GMDS: variants seen among roughly 807,000 people sequenced by gnomAD.
GMDS encodes the protein GDP-mannose 4,6-dehydratase, also known as GDP-mannose 4,6 dehydratase.
GMDS carries 20 observed loss-of-function variants against 49.9 expected under a neutral mutation model. The observed-to-expected ratio is 0.40, with a 90% CI of 0.28 to 0.58. GMDS has a LOEUF of 0.58. Among genes scored for constraint, GMDS ranks in the 20% least tolerant of loss-of-function variants. The pLI is 0.42. For missense variants in GMDS, 362 were observed against 481.4 expected, an observed-to-expected ratio of 0.75 and a Z score of 2.32; for synonymous variants, 177 against 178.6, an observed-to-expected ratio of 0.99 and a Z score of 0.07.
At chr6:2,023,069 G>C (rs1481466354) in intron 4 of GMDS, among the ~76,000 whole-genome samples, 1 of 152,114 alleles carries the variant, frequency 6.6e-6, no homozygotes, top group East Asian at 1.9e-4. Context: ...CTAGAATCTA[G>C]GTAAATGGTC....
At chr6:2,194,570 C>A (rs1238745400) in intron 1 of GMDS, among the ~76,000 whole-genome samples, 1 of 152,144 alleles carries the variant, frequency 6.6e-6, no homozygotes, top group Admixed American at 6.5e-5. Context: ...TCTCTAATTT[C>A]TTTATCATTA....
chr6:2,020,305 TATAA>T (rs1299347065), intron 4 of GMDS, among the ~76,000 whole-genome samples: 5 of 151,782 alleles, frequency 3.3e-5, no homozygotes, highest in African/African-American at 4.8e-5. Flanking sequence ...GTTATGCCTA[TATAA>T]ATAAATAAAA....
At chr6:2,107,025 C>T (rs1016018754) in intron 4 of GMDS, among the ~76,000 whole-genome samples, 1 of 151,888 alleles carries the variant, frequency 6.6e-6, no homozygotes, top group African/African-American at 2.4e-5. Context: ...AATAATGTTG[C>T]AATACTAAAA....
At chr6:1,968,936 CAGAA>C (rs1477216691) in intron 4 of GMDS, among the ~76,000 whole-genome samples, 3 of 151,924 alleles carry the variant, frequency 2.0e-5, no homozygotes, top group Non-Finnish European at 2.9e-5. Flanking sequence ...AATTTTAAAA[CAGAA>C]AGCCACGTGA....
chr6:1,760,803 G>C (rs1480371351), intron 7 of GMDS, among the ~76,000 whole-genome samples: 1 of 152,134 alleles, frequency 6.6e-6, no homozygotes, highest in Non-Finnish European at 1.5e-5. Flanking sequence ...TTTAATTTTT[G>C]TTTGCTAATC....
At position 1,695,135 on chromosome 6, in the gene GMDS, C is replaced by G. The variant is rs183647028; in HGVS notation, c.987+31281G>C. Among the ~76,000 whole-genome samples the G allele has an allele frequency of 1.8e-3, 268 of 152,256 alleles. 1 individual carries two copies. The highest frequency in any genetic ancestry group is 6.3e-3 in the African/African-American group (261 of 41,548). ...GAGGACGGTCATTTACTTGGATTGA[C>G]AAATGCAGCCCATGACGGGGTCCAG... is the stretch of plus-strand genomic sequence containing the variant. On this transcript the variant is annotated intron_variant, in intron 9 of 10. Coordinates refer to ENST00000380815, the MANE Select transcript of GMDS (RefSeq NM_001500.4).
chr6:2,077,367 A>G (rs941282697), intron 4 of GMDS, among the ~76,000 whole-genome samples: 3 of 152,110 alleles, frequency 2.0e-5, no homozygotes, highest in Admixed American at 1.3e-4. Flanking sequence ...TCTGTTCCTA[A>G]AGCAAAGACT....
chr6:1,698,007 C>T (rs1216601151), intron 9 of GMDS, among the ~76,000 whole-genome samples: 2 of 152,182 alleles, frequency 1.3e-5, no homozygotes, highest in Non-Finnish European at 2.9e-5. Context: ...GGGAGTCAAG[C>T]ATATCATTTC....
intron 9 of GMDS, among the ~76,000 whole-genome samples, chr6:1,680,686 G>T (rs144170804): frequency 8.5e-4 from 129 of 152,310 alleles, no homozygotes; most frequent in Non-Finnish European, 1.3e-3. Context: ...TATGTTCCAG[G>T]TGCATCACTT....
At chr6:1,790,131 T>G (rs1769478059) in intron 7 of GMDS, among the ~76,000 whole-genome samples, 1 of 152,290 alleles carries the variant, frequency 6.6e-6, no homozygotes, top group South Asian at 2.1e-4. Context: ...ACTCTTTCTG[T>G]CAACAATCTT....
intron 7 of GMDS, among the ~76,000 whole-genome samples, chr6:1,829,934 T>G (rs1771284071): frequency 6.6e-6 from 1 of 152,190 alleles, no homozygotes; most frequent in Admixed American, 6.5e-5. Flanking sequence ...TCAGAATCCT[T>G]TTTCTGTATG....
chr6:2,090,995 C>G (rs761930299), intron 4 of GMDS, among the ~76,000 whole-genome samples: 1 of 152,204 alleles, frequency 6.6e-6, no homozygotes, highest in African/African-American at 2.4e-5. Context: ...ACACTGTGGA[C>G]TGCCTCGTGG....
chr6:2,124,097 T>C (rs1775289218), intron 2 of GMDS, among the ~76,000 whole-genome samples: 1 of 152,030 alleles, frequency 6.6e-6, no homozygotes, highest in African/African-American at 2.4e-5. Flanking sequence ...CTGAAAAACG[T>C]TCTTTAAAAA....
intron 9 of GMDS, among the ~76,000 whole-genome samples, chr6:1,681,970 C>T (rs1396036913): frequency 6.6e-6 from 1 of 151,844 alleles, no homozygotes; most frequent in African/African-American, 2.4e-5. Flanking sequence ...GTTGGGATTA[C>T]AGGCGTGAAC....
At chr6:2,162,922 G>C (rs1490781269) in intron 1 of GMDS, among the ~76,000 whole-genome samples, 1 of 152,118 alleles carries the variant, frequency 6.6e-6, no homozygotes, top group African/African-American at 2.4e-5. Flanking sequence ...TTTGTTCCTT[G>C]TGGCCATCCC....
chr6:1,993,275 T>C (rs542490746), intron 4 of GMDS, among the ~76,000 whole-genome samples: 17 of 152,210 alleles, frequency 1.1e-4, no homozygotes, highest in Non-Finnish European at 1.5e-4. Context: ...GCCTTAGTCA[T>C]GTGGGGGAAT....
intron 1 of GMDS, among the ~76,000 whole-genome samples, chr6:2,190,651 T>G (rs1009545731): frequency 5.9e-5 from 9 of 152,164 alleles, no homozygotes; most frequent in Non-Finnish European, 1.3e-4. Context: ...AGCACATGTT[T>G]TTTTGCAAAA....
intron 7 of GMDS, among the ~76,000 whole-genome samples, chr6:1,804,076 C>A (rs564786122): frequency 1.5e-4 from 23 of 152,302 alleles, no homozygotes; most frequent in African/African-American, 5.3e-4. Flanking sequence ...AGATTCTAAG[C>A]ATAAGGTGAC....
chr6:1,971,393 T>C (rs979495440), intron 4 of GMDS, among the ~76,000 whole-genome samples: 1 of 152,226 alleles, frequency 6.6e-6, no homozygotes, highest in South Asian at 2.1e-4. Context: ...AATTATATTT[T>C]TCTTCAAAAA....
Sources: allele counts gnomAD v4.1 joint callset (sites outside exome capture counted in the v4.1 genomes callset), GRCh38; gene constraint gnomAD v4.1.1; transcripts MANE v1.5; gene names NCBI Gene and HGNC (gene_info 2026-07-23, HGNC 2026-07-21).